The following ROBO1 variants were observed in gnomAD, a reference collection of about 807,000 sequenced individuals.
ROBO1 encodes roundabout homolog 1.
In ROBO1, 149 loss-of-function variants were observed where a neutral mutation model predicts 195.9. The observed-to-expected ratio is 0.76, with a 90% CI of 0.67 to 0.87. The LOEUF is 0.87. ROBO1 is among the 40% of genes least tolerant of loss of function. The probability of loss-of-function intolerance (pLI) is 0.00; values close to 1 mark genes in which losing one functional copy is unlikely to be tolerated. For missense variants in ROBO1, 1,933 were observed against 2,068.3 expected (o/e 0.93, Z 1.27); for synonymous variants, 816 against 733.2 (o/e 1.11, Z -1.82).
In ROBO1 at chr3:78,963,510, T is replaced by C. The variant is rs1328703087; in HGVS notation, c.173-24583A>G. On this transcript the variant is annotated intron_variant, in intron 3 of 30. Coordinates refer to ENST00000464233, the MANE Select transcript of ROBO1 (RefSeq NM_002941.4). ...AAACCTTCAGTTTTTTTTTTTTTTT[T>C]TTTTTTTTTTCTTTTTTTTTTTTTT... Among the ~76,000 whole-genome samples, 7 of 135,912 alleles carry C rather than the reference T, an allele frequency of 5.2e-5. No homozygotes were observed. The East Asian group carries it at 6.4e-4, about 12-fold the overall frequency. 89.2% of individuals were successfully genotyped at this position (135,912 alleles called of 152,430 possible).
chr3:79,416,071 A>C (rs1418698068), intron 2 of ROBO1, among the ~76,000 whole-genome samples: 2 of 133,946 alleles, frequency 1.5e-5, no homozygotes, highest in Non-Finnish European at 3.3e-5. Flanking sequence ...GAAAACAAAT[A>C]TATACCAACA....
intron 2 of ROBO1, among the ~76,000 whole-genome samples, chr3:79,300,956 T>C (rs920925525): frequency 6.6e-6 from 1 of 151,996 alleles, no homozygotes; most frequent in Non-Finnish European, 1.5e-5. Context: ...CAGCGCCCTG[T>C]CAAAACACAC....
intron 1 of ROBO1, among the ~76,000 whole-genome samples, chr3:79,682,679 G>GT (rs1946984743): frequency 6.6e-6 from 1 of 151,952 alleles, no homozygotes; most frequent in Non-Finnish European, 1.5e-5. Context: ...AAGTAAACAA[G>GT]ATGGTTATAG....
chr3:78,717,560 C>T (rs1438648282), intron 6 of ROBO1, 147 bp from the exon 7 acceptor site: 1 of 897,676 alleles, frequency 1.1e-6, no homozygotes, highest in African/African-American at 1.7e-5. Flanking sequence ...GAAGCTTCTC[C>T]CTAGGTTTAG....
chr3:79,558,978 CAAT>C (rs1156529438), intron 2 of ROBO1, among the ~76,000 whole-genome samples: 1 of 152,010 alleles, frequency 6.6e-6, no homozygotes, highest in African/African-American at 2.4e-5. Flanking sequence ...GTGGCTTTTT[CAAT>C]AATTGAATCC....
rs150413738 is a variant in ROBO1 at position 78,907,848 on chromosome 3, A to G, written c.499+30753T>C. 4.8e-4 allele frequency among the ~76,000 whole-genome samples: 73 copies of G among 152,074 alleles called. 1 individual carries two copies. The East Asian group carries it at 0.014, about 29-fold the overall frequency. ...AAAACATGAAAAGAGAAGAAAATCT[A>G]TTTTTAAATCTTAATATGAAGAAAA... On this transcript the variant is annotated intron_variant, in intron 4 of 30. Coordinates refer to ENST00000464233, the MANE Select transcript of ROBO1 (RefSeq NM_002941.4).
rs542094819 is a variant in ROBO1, at chr3:79,275,621, T to A, written c.89-150082A>T. Among the ~76,000 whole-genome samples, 20 of 151,882 alleles carry A rather than the reference T, an allele frequency of 1.3e-4. No homozygotes were observed. In the South Asian group the frequency reaches 3.9e-3, roughly 30 times the overall value. On this transcript the variant is annotated intron_variant, in intron 2 of 30. Transcript: ENST00000464233. ...CTTTTACTCAGCATAATACTAGAAG[T>A]CTTGGTTGGAGCAATCAGACAAGAG...
chr3:79,373,627 A>G (rs1284246944), intron 2 of ROBO1, among the ~76,000 whole-genome samples: 4 of 152,192 alleles, frequency 2.6e-5, no homozygotes, highest in African/African-American at 4.8e-5. Flanking sequence ...AAAATTATGG[A>G]ATTGTATCTG....
chr3:79,083,884 A>G (rs1411398923), intron 3 of ROBO1, among the ~76,000 whole-genome samples: 2 of 152,182 alleles, frequency 1.3e-5, no homozygotes, highest in Non-Finnish European at 2.9e-5. Context: ...TATGGTTCTG[A>G]ACCAAACTTC....
intron 4 of ROBO1, among the ~76,000 whole-genome samples, chr3:78,813,073 C>T (rs183545782): frequency 9.1e-4 from 138 of 151,954 alleles, no homozygotes; most frequent in African/African-American, 3.1e-3. Context: ...TTCCAGATAT[C>T]GACATTTTAA....
At chr3:78,872,320 C>T (rs893490911) in intron 4 of ROBO1, among the ~76,000 whole-genome samples, 5 of 152,134 alleles carry the variant, frequency 3.3e-5, no homozygotes, top group Admixed American at 6.6e-5. Context: ...GAACTGCCTG[C>T]GTGCTTTGAT....
At chr3:79,759,263 T>C (rs550689549) in intron 1 of ROBO1, among the ~76,000 whole-genome samples, 1 of 152,214 alleles carries the variant, frequency 6.6e-6, no homozygotes, top group Non-Finnish European at 1.5e-5. Context: ...ATATACAATA[T>C]GATGGAATAA....
At chr3:78,611,311 T>C (rs903406424) in intron 28 of ROBO1, among the ~76,000 whole-genome samples, 5 of 152,318 alleles carry the variant, frequency 3.3e-5, no homozygotes, top group South Asian at 4.1e-4. Context: ...GGAGAAATAA[T>C]GTAGATTTGG....
intron 1 of ROBO1, among the ~76,000 whole-genome samples, chr3:79,672,742 A>G (rs1282267831): frequency 6.6e-6 from 1 of 151,948 alleles, no homozygotes; most frequent in Non-Finnish European, 1.5e-5. Flanking sequence ...CACTGCTTCA[A>G]AAGTGGCAAT....
chr3:79,367,557 G>A (rs776499646), intron 2 of ROBO1, among the ~76,000 whole-genome samples: 12 of 152,126 alleles, frequency 7.9e-5, no homozygotes, highest in South Asian at 2.1e-4. Flanking sequence ...CCCATCGTTC[G>A]TTAAAATGTG....
At chr3:79,127,147 A>G (rs1480265875) in intron 2 of ROBO1, among the ~76,000 whole-genome samples, 2 of 152,172 alleles carry the variant, frequency 1.3e-5, no homozygotes, top group Non-Finnish European at 2.9e-5. Context: ...AGGCAGAAAA[A>G]GCGTCCACTT....
intron 1 of ROBO1, among the ~76,000 whole-genome samples, chr3:79,645,176 C>T (rs903595099): frequency 3.3e-5 from 5 of 151,926 alleles, no homozygotes; most frequent in African/African-American, 1.2e-4. Flanking sequence ...TCAAACCAAA[C>T]CCAAAATTAG....
At chr3:79,716,540 T>A (rs1043880323) in intron 1 of ROBO1, among the ~76,000 whole-genome samples, 3 of 151,982 alleles carry the variant, frequency 2.0e-5, no homozygotes, top group African/African-American at 7.2e-5. Context: ...TATGATAATT[T>A]TTCAAAGTTC....
chr3:79,575,794 A>G (rs1323786316), intron 2 of ROBO1, among the ~76,000 whole-genome samples: 5 of 151,552 alleles, frequency 3.3e-5, no homozygotes, highest in Non-Finnish European at 7.4e-5. Context: ...CAATCTCGTA[A>G]TAATTACAAT....
Sources: gnomAD v4.1 joint callset for allele counts (sites outside exome capture counted in the v4.1 genomes callset) on GRCh38, gnomAD v4.1.1 for gene constraint, MANE v1.5 for transcripts, NCBI Gene and HGNC (gene_info 2026-07-23, HGNC 2026-07-21) for gene names.